Variants in SPPL3 observed in about 807,000 individuals in gnomAD.
SPPL3 encodes signal peptide peptidase like 3.
A neutral mutation model predicts 42.4 loss-of-function variants in SPPL3; 5 were observed. The ratio of observed to expected loss-of-function variants is 0.12; its 90% confidence interval spans 0.06 to 0.25. The LOEUF (loss-of-function observed/expected upper bound fraction) is 0.25, where lower values mean the gene tolerates loss of function less well. Among genes scored for constraint, SPPL3 ranks in the 10% least tolerant of loss-of-function variants. SPPL3 has a pLI of 1.00. For synonymous variants in SPPL3, 195 were observed against 181.8 expected (o/e 1.07, Z -0.58); for missense variants, 235 against 489.0 (o/e 0.48, Z 4.90).
intron 1 of SPPL3, among the ~76,000 whole-genome samples, chr12:120,855,479 C>A (rs551811410): frequency 6.6e-6 from 1 of 152,016 alleles, no homozygotes; most frequent in South Asian, 2.1e-4. Context: ...CATGAGGTCA[C>A]GAGTTCAAGA....
chr12:120,806,839 T>G (rs1870511938), intron 2 of SPPL3, among the ~76,000 whole-genome samples: 1 of 109,622 alleles, frequency 9.1e-6, no homozygotes, highest in Non-Finnish European at 1.8e-5. Flanking sequence ...AGAGCGAGAC[T>G]CCATTAAAAA....
chr12:120,870,223 A>G (rs1872879642), intron 1 of SPPL3, among the ~76,000 whole-genome samples: 2 of 152,218 alleles, frequency 1.3e-5, no homozygotes, highest in African/African-American at 2.4e-5. Flanking sequence ...AGGCGGGTGG[A>G]TCACCTGAGG....
At chr12:120,874,504 C>A (rs1280889132) in intron 1 of SPPL3, among the ~76,000 whole-genome samples, 1 of 146,790 alleles carries the variant, frequency 6.8e-6, no homozygotes, top group East Asian at 2.0e-4. Flanking sequence ...ATGTAAAAGA[C>A]ATGTTTAAAA....
intron 1 of SPPL3, among the ~76,000 whole-genome samples, chr12:120,902,794 A>G (rs547458094): frequency 1.3e-5 from 2 of 152,274 alleles, no homozygotes; most frequent in South Asian, 4.1e-4. Context: ...CCCCACTCCT[A>G]CGATCATGCC....
At chr12:120,766,479 T>A in intron 9 of SPPL3, 107 bp from the exon 10 acceptor site, 1 of 854,116 alleles carries the variant, frequency 1.2e-6, no homozygotes, top group Non-Finnish European at 1.7e-6. Flanking sequence ...CTGTCGTCCA[T>A]TCTATGGTTG....
At chr12:120,772,828 A>G (rs1025830969) in intron 6 of SPPL3, among the ~76,000 whole-genome samples, 6 of 152,182 alleles carry the variant, frequency 3.9e-5, no homozygotes, top group Non-Finnish European at 5.9e-5. Context: ...AGCAAAATAT[A>G]TATCTTCATC....
At chr12:120,823,225 G>GT (rs1308216200) in intron 1 of SPPL3, among the ~76,000 whole-genome samples, 1 of 141,214 alleles carries the variant, frequency 7.1e-6, no homozygotes, top group Non-Finnish European at 1.6e-5. Context: ...TGGGGGGTGG[G>GT]GGGGCGGCGG....
At chr12:120,884,827 T>G (rs1396321801) in intron 1 of SPPL3, among the ~76,000 whole-genome samples, 1 of 133,822 alleles carries the variant, frequency 7.5e-6, no homozygotes, top group Non-Finnish European at 1.6e-5. Flanking sequence ...TTTTTTTGGC[T>G]TTCAGAAAGG....
chr12:120,850,855 CTT>C (rs1231297642), intron 1 of SPPL3, among the ~76,000 whole-genome samples: 9 of 152,188 alleles, frequency 5.9e-5, no homozygotes, highest in African/African-American at 2.2e-4. Flanking sequence ...ACTACAACCT[CTT>C]GTTTCCATCG....
At chr12:120,794,205 C>T (rs1286692994) in intron 2 of SPPL3, among the ~76,000 whole-genome samples, 1 of 152,144 alleles carries the variant, frequency 6.6e-6, no homozygotes, top group Non-Finnish European at 1.5e-5. Context: ...TATATTAATA[C>T]AGCCATTCCA....
At chr12:120,874,521 T>A (rs867188029) in intron 1 of SPPL3, among the ~76,000 whole-genome samples, 7 of 143,638 alleles carry the variant, frequency 4.9e-5, no homozygotes, top group African/African-American at 1.5e-4. Flanking sequence ...AAAACAAAAA[T>A]AATAATGTAT....
intron 1 of SPPL3, among the ~76,000 whole-genome samples, chr12:120,901,209 T>C (rs913675919): frequency 6.6e-6 from 1 of 152,126 alleles, no homozygotes; most frequent in African/African-American, 2.4e-5. Flanking sequence ...CTCAGAAACT[T>C]GTGAGAATTA....
At position 120,766,100 on chromosome 12, in the gene SPPL3, G is replaced by GCGCACACACACACACA. The variant is rs1186435935; in HGVS notation, c.1083+162_1083+163insTGTGTGTGTGTGTGCG. On this transcript the variant is annotated intron_variant, in intron 10 of 10. Coordinates refer to ENST00000353487, the MANE Select transcript of SPPL3 (RefSeq NM_139015.5). ...GCTAACGCCAGGGTAGCGCGCGCGC[G>GCGCACACACACACACA]CACACACACACACACACACACACAC... Among the ~76,000 whole-genome samples, 4 of 84,060 alleles carry GCGCACACACACACACA rather than the reference G, an allele frequency of 4.8e-5. No individual in the cohort carries two copies. The East Asian group carries it at 1.3e-3, about 28-fold the overall frequency. The allele number at this position is 84,060 out of a possible 152,430, so 55.1% of individuals were successfully genotyped here. A position where few individuals can be genotyped will look rare whatever the true frequency, so the allele number is the denominator to read the frequency against.
chr12:120,856,918 G>A (rs1182930556), intron 1 of SPPL3, among the ~76,000 whole-genome samples: 1 of 152,158 alleles, frequency 6.6e-6, no homozygotes, highest in African/African-American at 2.4e-5. Flanking sequence ...GAACTTTAAA[G>A]GAGCTCTGTA....
intron 1 of SPPL3, among the ~76,000 whole-genome samples, chr12:120,841,493 A>G (rs952988235): frequency 6.6e-6 from 1 of 151,310 alleles, no homozygotes; most frequent in Non-Finnish European, 1.5e-5. Context: ...TTTTCATTAT[A>G]GAGTCCTGAA....
In SPPL3 at chr12:120,812,104, T is replaced by TG. The variant is rs1186091179; in HGVS notation, c.24-1219dup. On this transcript the variant is annotated intron_variant, in intron 1 of 10. Coordinates refer to ENST00000353487, the MANE Select transcript of SPPL3 (RefSeq NM_139015.5). Reference sequence around the variant, plus strand: ...GCTTAGCTGGCTTTGTACCATTTAGTGGAAAAAAAAAAAAAAGTAACATAG... The same window carrying TG: ...GCTTAGCTGGCTTTGTACCATTTAGTGGGAAAAAAAAAAAAAAGTAACATAG... Among the ~76,000 whole-genome samples the TG allele has an allele frequency of 9.3e-4, 69 of 74,262 alleles. No individual in the cohort carries two copies. The South Asian group carries it at 0.017, about 18-fold the overall frequency. The allele number at this position is 74,262 out of a possible 152,430, so 48.7% of individuals were successfully genotyped here. A position where few individuals can be genotyped will look rare whatever the true frequency, so the allele number is the denominator to read the frequency against.
At chr12:120,775,505 T>A (rs974926254) in intron 6 of SPPL3, among the ~76,000 whole-genome samples, 12 of 152,182 alleles carry the variant, frequency 7.9e-5, no homozygotes, top group African/African-American at 2.9e-4. Flanking sequence ...GCCCTAAACA[T>A]GTTCTAATCA....
intron 1 of SPPL3, among the ~76,000 whole-genome samples, chr12:120,863,602 T>C (rs1872676091): frequency 6.6e-6 from 1 of 152,186 alleles, no homozygotes; most frequent in Admixed American, 6.5e-5. Flanking sequence ...GCCTTTCAGG[T>C]AATCGTAGAT....
intron 1 of SPPL3, among the ~76,000 whole-genome samples, chr12:120,840,135 T>C (rs893293289): frequency 1.3e-5 from 2 of 151,490 alleles, no homozygotes; most frequent in African/African-American, 4.9e-5. Context: ...AAAAATTATC[T>C]GGGCTGGGTG....
Sources: gnomAD v4.1 joint callset for allele counts (sites outside exome capture counted in the v4.1 genomes callset) on GRCh38, gnomAD v4.1.1 for gene constraint, MANE v1.5 for transcripts, NCBI Gene and HGNC (gene_info 2026-07-23, HGNC 2026-07-21) for gene names.